The following SKAP2 variants were observed in gnomAD, a reference collection of about 807,000 sequenced individuals.
SKAP2 encodes src kinase-associated phosphoprotein 2.
Under a neutral mutation model 54.9 loss-of-function variants are expected in SKAP2, and 28 were observed. That is an observed-to-expected ratio of 0.51 (90% CI 0.38 to 0.70). The LOEUF (loss-of-function observed/expected upper bound fraction) is 0.70, where lower values mean the gene tolerates loss of function less well. Among genes scored for constraint, SKAP2 ranks in the 30% least tolerant of loss-of-function variants. The pLI is 0.00. For missense variants in SKAP2, 356 were observed against 424.1 expected, an observed-to-expected ratio of 0.84 and a Z score of 1.41; for synonymous variants, 137 against 134.3, an observed-to-expected ratio of 1.02 and a Z score of -0.14.
intron 4 of SKAP2, among the ~76,000 whole-genome samples, chr7:26,816,496 TAC>T (rs1562621809): frequency 6.6e-6 from 1 of 152,050 alleles, no homozygotes; most frequent in Admixed American, 6.6e-5. Context: ...ATTTTTAAAA[TAC>T]AGTCAATTTT....
chr7:26,728,057 T>C (rs984770428), intron 6 of SKAP2, among the ~76,000 whole-genome samples: 1 of 152,046 alleles, frequency 6.6e-6, no homozygotes, highest in Admixed American at 6.6e-5. Context: ...GTCATAGAGA[T>C]TATATCTTGT....
intron 4 of SKAP2, among the ~76,000 whole-genome samples, chr7:26,769,778 C>T (rs1368189246): frequency 1.3e-5 from 2 of 152,156 alleles, no homozygotes; most frequent in Non-Finnish European, 2.9e-5. Context: ...GTATCACCAA[C>T]GGAGGCTGCA....
intron 9 of SKAP2, among the ~76,000 whole-genome samples, chr7:26,722,264 A>C (rs905234945): frequency 6.6e-6 from 1 of 152,242 alleles, no homozygotes; most frequent in Non-Finnish European, 1.5e-5. Flanking sequence ...TAAATGAACA[A>C]GAAATTAAAC....
At chr7:26,796,395 C>T (rs558241908) in intron 4 of SKAP2, among the ~76,000 whole-genome samples, 49 of 152,298 alleles carry the variant, frequency 3.2e-4, no homozygotes, top group African/African-American at 1.1e-3. Context: ...AATTGCATAT[C>T]GCAGTAAAAA....
At chr7:26,666,628 G>T (rs992135611), downstream of SKAP2, among the ~76,000 whole-genome samples, 1 of 152,108 alleles carries the variant, frequency 6.6e-6, no homozygotes, top group Non-Finnish European at 1.5e-5. Context: ...CCTACACATG[G>T]TTGAAAAGTG....
At chr7:26,745,096 A>G (rs1157843011) in intron 4 of SKAP2, among the ~76,000 whole-genome samples, 1 of 151,314 alleles carries the variant, frequency 6.6e-6, no homozygotes, top group Non-Finnish European at 1.5e-5. Context: ...GCCCCCTTCA[A>G]TTTTCCCTTT....
intron 4 of SKAP2, among the ~76,000 whole-genome samples, chr7:26,771,197 G>A (rs1584380296): frequency 6.6e-6 from 1 of 152,100 alleles, no homozygotes; most frequent in South Asian, 2.1e-4. Flanking sequence ...CTTTCCCTAG[G>A]TGTAGCTAGT....
intron 4 of SKAP2, among the ~76,000 whole-genome samples, chr7:26,835,404 TTGTC>T (rs906455206): frequency 4.1e-4 from 62 of 152,226 alleles, no homozygotes; most frequent in African/African-American, 1.4e-3. Flanking sequence ...GGGAGACAAA[TTGTC>T]TGTTTGCAGA....
At chr7:26,656,293 A>C in the SKAP2 span, among the ~76,000 whole-genome samples, 1 of 152,174 alleles carries the variant, frequency 6.6e-6, no homozygotes, top group Non-Finnish European at 1.5e-5. Flanking sequence ...AAATTACAAT[A>C]CAGGACTTTT....
At chr7:26,703,962 A>G (rs904044053) in intron 9 of SKAP2, among the ~76,000 whole-genome samples, 1 of 152,166 alleles carries the variant, frequency 6.6e-6, no homozygotes, top group Admixed American at 6.5e-5. Context: ...TGGGTGTAAA[A>G]CCTTGCATAT....
At chr7:26,751,332 TTA>T (rs1447811333) in intron 4 of SKAP2, among the ~76,000 whole-genome samples, 2 of 150,960 alleles carry the variant, frequency 1.3e-5, no homozygotes, top group African/African-American at 2.4e-5. Flanking sequence ...TGAAATTATT[TTA>T]TGACTAACTT....
Position 26,855,375 on chromosome 7 carries a change from C to T in SKAP2, c.68-485G>A, listed in dbSNP as rs549122220. On this transcript the variant is annotated intron_variant, in intron 1 of 12. Coordinates refer to ENST00000345317, the MANE Select transcript of SKAP2 (RefSeq NM_003930.5). ...TAGTATAATCAATTTTCAGGTATATCCAACATGTAATGCTTTAAAGGAAAA... is the reference window on the plus strand; with the variant it reads ...TAGTATAATCAATTTTCAGGTATATTCAACATGTAATGCTTTAAAGGAAAA... Among the ~76,000 whole-genome samples, 46 of 152,122 alleles carry T rather than the reference C, an allele frequency of 3.0e-4. 1 individual carries two copies. Among genetic ancestry groups the T allele is most frequent in the African/African-American group, 8.4e-4 (35 of 41,528 alleles).
At chr7:26,780,579 T>C (rs546722187) in intron 4 of SKAP2, among the ~76,000 whole-genome samples, 1 of 152,284 alleles carries the variant, frequency 6.6e-6, no homozygotes, top group Non-Finnish European at 1.5e-5. Flanking sequence ...GAATTTCATA[T>C]TATTTTCATC....
At chr7:26,659,272 C>T in the SKAP2 span, among the ~76,000 whole-genome samples, 2 of 151,982 alleles carry the variant, frequency 1.3e-5, no homozygotes, top group East Asian at 1.9e-4. Flanking sequence ...TAAAAAATGC[C>T]GTGACTAAAG....
At chr7:26,747,515 A>G (rs911512439) in intron 4 of SKAP2, among the ~76,000 whole-genome samples, 1 of 152,168 alleles carries the variant, frequency 6.6e-6, no homozygotes, top group Non-Finnish European at 1.5e-5. Context: ...CGGAATAACC[A>G]TGAGGATAAT....
At chr7:26,857,870 GGTAAACTAGCAAGCACA>G (rs1386742820) in intron 1 of SKAP2, 3 of 283,844 alleles carry the variant, frequency 1.1e-5, no homozygotes, top group Non-Finnish European at 1.6e-5. Context: ...CCCTGCAAAC[GGTAAACTAGCAAGCACA>G]GTAAACTAGC....
In SKAP2 at chr7:26,787,469, T is replaced by C. The variant is rs191741798; in HGVS notation, c.308-47505A>G. On this transcript the variant is annotated intron_variant, in intron 4 of 12. Transcript: ENST00000345317. ...TCCTGAGTAGCTGAGACTACAGGCG[T>C]GCACCACCCACGCCTGGCTAATTTT... 1.7e-4 allele frequency among the ~76,000 whole-genome samples: 26 copies of C among 152,194 alleles called. No individual in the cohort carries two copies. In the South Asian group the frequency reaches 3.5e-3, roughly 21 times the overall value.
intron 4 of SKAP2, among the ~76,000 whole-genome samples, chr7:26,832,327 A>G (rs1784612237): frequency 6.6e-6 from 1 of 152,190 alleles, no homozygotes; most frequent in African/African-American, 2.4e-5. Context: ...CTAAGTGACT[A>G]TATCTAAGGC....
At chr7:26,717,701 C>T (rs1423490585) in intron 9 of SKAP2, among the ~76,000 whole-genome samples, 2 of 150,046 alleles carry the variant, frequency 1.3e-5, no homozygotes, top group East Asian at 2.0e-4. Context: ...GGCGTGGTGG[C>T]GCATGCCTGT....
Sources: gnomAD v4.1 joint callset for allele counts (sites outside exome capture counted in the v4.1 genomes callset) on GRCh38, gnomAD v4.1.1 for gene constraint, MANE v1.5 for transcripts, NCBI Gene and HGNC (gene_info 2026-07-23, HGNC 2026-07-21) for gene names.